The following KIF26B variants were observed in gnomAD, a reference collection of about 807,000 sequenced individuals.
The protein encoded by KIF26B is kinesin family member 26B, also known as kinesin-like protein KIF26B.
In KIF26B, 63 loss-of-function variants were observed where a neutral mutation model predicts 151.2. The ratio of observed to expected loss-of-function variants is 0.42; its 90% CI spans 0.34 to 0.51. KIF26B has a LOEUF of 0.51. KIF26B is among the 20% of genes least tolerant of loss of function. KIF26B has a pLI of 0.07. For synonymous variants in KIF26B, 1,357 were observed against 1,262.1 expected, an observed-to-expected ratio of 1.08 and a Z score of -1.59; for missense variants, 2,813 against 2,913.6, an observed-to-expected ratio of 0.97 and a Z score of 0.79.
intron 8 of KIF26B, among the ~76,000 whole-genome samples, chr1:245,611,356 A>G (rs964219419): frequency 2.6e-5 from 4 of 152,200 alleles, no homozygotes; most frequent in African/African-American, 9.6e-5. Context: ...TGAGGCCTCA[A>G]ATCACATTTT....
intron 10 of KIF26B, among the ~76,000 whole-genome samples, chr1:245,677,870 G>A (rs951390947): frequency 7.2e-5 from 11 of 152,256 alleles, no homozygotes; most frequent in African/African-American, 2.4e-4. Context: ...ACACTTACTT[G>A]AGACCTAGGA....
chr1:245,315,923 G>A (rs913802410), intron 2 of KIF26B, among the ~76,000 whole-genome samples: 4 of 151,872 alleles, frequency 2.6e-5, no homozygotes, highest in African/African-American at 4.8e-5. Flanking sequence ...TGGATACTTC[G>A]CCACAATAAA....
chr1:245,557,744 C>G (rs1210310889), intron 5 of KIF26B, among the ~76,000 whole-genome samples: 3 of 152,092 alleles, frequency 2.0e-5, no homozygotes, highest in Non-Finnish European at 4.4e-5. Context: ...GGATTTAAAC[C>G]TATAAGGGGA....
chr1:245,393,458 T>C (rs1453773235), intron 3 of KIF26B, among the ~76,000 whole-genome samples: 1 of 152,042 alleles, frequency 6.6e-6, no homozygotes, highest in Non-Finnish European at 1.5e-5. Context: ...TCCGCAAAGA[T>C]GGCTTCTGTT....
intron 3 of KIF26B, among the ~76,000 whole-genome samples, chr1:245,383,267 C>T (rs180904639): frequency 5.9e-5 from 9 of 152,122 alleles, no homozygotes; most frequent in African/African-American, 1.9e-4. Context: ...CACGTCTGAA[C>T]ACGGTATCCC....
At chr1:245,173,646 TC>T (rs1408444884) in intron 2 of KIF26B, among the ~76,000 whole-genome samples, 1 of 152,160 alleles carries the variant, frequency 6.6e-6, no homozygotes, top group Admixed American at 6.5e-5. Flanking sequence ...GCACAGCCCT[TC>T]CTGCTCCCCG....
Position 245,419,623 on chromosome 1 carries a change from A to G in KIF26B, c.1044A>G (p.Glu348=), listed in dbSNP as rs1371009098. 1.9e-6 allele frequency: 3 copies of G among 1,613,784 alleles called. No homozygotes were observed. The East Asian group carries it at 6.7e-5, about 36-fold the overall frequency. The change falls in exon 4 of 15, where the codon GAA becomes GAG. Residue 348 remains glutamate (E), a synonymous_variant. Transcript: ENST00000407071. ...AGAGTAGCCGGGAGGGACTAACAGA[A>G]GCAGTGCTGAACCGCTACAATGCAG... ...MTESSREGLT[E]AVLNRYNADK...
chr1:245,690,117 C>T (rs986565385), intron 12 of KIF26B, among the ~76,000 whole-genome samples: 4 of 152,098 alleles, frequency 2.6e-5, no homozygotes, highest in Non-Finnish European at 5.9e-5. Context: ...GAGAATTTTG[C>T]CTGGAATCAT....
intron 2 of KIF26B, among the ~76,000 whole-genome samples, chr1:245,365,128 A>G (rs986628167): frequency 1.3e-5 from 2 of 152,152 alleles, no homozygotes; most frequent in Admixed American, 6.5e-5. Context: ...GTTCTGGAAC[A>G]GCCCCTAAGG....
At chr1:245,608,339 ATATGT>A in intron 7 of KIF26B, among the ~76,000 whole-genome samples, 1 of 152,262 alleles carries the variant, frequency 6.6e-6, no homozygotes, top group East Asian at 1.9e-4. Context: ...TACACGCTTG[ATATGT>A]TTAGTGAATT....
intron 3 of KIF26B, among the ~76,000 whole-genome samples, chr1:245,416,947 C>A (rs939274608): frequency 1.3e-5 from 2 of 152,060 alleles, no homozygotes; most frequent in Non-Finnish European, 2.9e-5. Context: ...TGCCCTCTCC[C>A]CATTGTGGAA....
At chr1:245,243,447 T>TACACACAC (rs56334344) in intron 2 of KIF26B, among the ~76,000 whole-genome samples, 11 of 147,370 alleles carry the variant, frequency 7.5e-5, no homozygotes, top group African/African-American at 2.8e-4. Context: ...TATATATATA[T>TACACACAC]ACACACACAC....
intron 3 of KIF26B, among the ~76,000 whole-genome samples, chr1:245,368,266 A>T (rs1572026917): frequency 6.6e-6 from 1 of 152,196 alleles, no homozygotes; most frequent in Non-Finnish European, 1.5e-5. Context: ...ATAGAAATAA[A>T]ACACAGGTCT....
At chr1:245,380,196 G>GGACTCTGGAGACTTAGTCCATTTCTGC in intron 3 of KIF26B, among the ~76,000 whole-genome samples, 1 of 152,126 alleles carries the variant, frequency 6.6e-6, no homozygotes, top group South Asian at 2.1e-4. Flanking sequence ...ACTAATTTTG[G>GGACTCTGGAGACTTAGTCCATTTCTGC]GACTCTGGAG....
At position 245,360,084 on chromosome 1, in the gene KIF26B, G is replaced by A. The variant is rs139337492; in HGVS notation, c.466-6750G>A. ...GATGGGGTTTCTCCACGTTGGCCAG[G>A]ATGGTCTCAAACTCTTGACCTCAAG... is the stretch of plus-strand genomic sequence containing the variant. On this transcript the variant is annotated intron_variant, in intron 2 of 14. Transcript: ENST00000407071. 9.0e-3 allele frequency among the ~76,000 whole-genome samples: 1,371 copies of A among 151,730 alleles called. 19 individuals are homozygous for A. The highest frequency in any genetic ancestry group is 0.04 in the East Asian group (205 of 5,154).
chr1:245,303,342 GTGCCCGCCACCA>G (rs1671473036), intron 2 of KIF26B, among the ~76,000 whole-genome samples: 1 of 151,152 alleles, frequency 6.6e-6, no homozygotes, highest in Non-Finnish European at 1.5e-5. Context: ...GGGACTACAG[GTGCCCGCCACCA>G]CGCCCGGCTA....
chr1:245,211,172 G>C (rs574230604), intron 2 of KIF26B, among the ~76,000 whole-genome samples: 30 of 152,286 alleles, frequency 2.0e-4, no homozygotes, highest in African/African-American at 6.7e-4. Context: ...GCCAAACCGG[G>C]ATCTGGTTTG....
intron 2 of KIF26B, among the ~76,000 whole-genome samples, chr1:245,195,713 C>T (rs183468587): frequency 1.2e-3 from 179 of 152,284 alleles, no homozygotes; most frequent in African/African-American, 4.2e-3. Flanking sequence ...TTCCGCCAAA[C>T]ACCGAAAGAG....
At chr1:245,535,690 G>A (rs186470771) in intron 4 of KIF26B, among the ~76,000 whole-genome samples, 1 of 152,310 alleles carries the variant, frequency 6.6e-6, no homozygotes, top group East Asian at 1.9e-4. Flanking sequence ...TCAAGCTAAA[G>A]ATGCTTTTAT....
Sources: gnomAD v4.1 joint callset for allele counts (sites outside exome capture counted in the v4.1 genomes callset) on GRCh38, gnomAD v4.1.1 for gene constraint, MANE v1.5 for transcripts, NCBI Gene and HGNC (gene_info 2026-07-23, HGNC 2026-07-21) for gene names.